RALY: variants seen among roughly 807,000 people sequenced by gnomAD.
RALY encodes RALY heterogeneous nuclear ribonucleoprotein.
In RALY, 15 loss-of-function variants were observed where a neutral mutation model predicts 30.7. The ratio of observed to expected loss-of-function variants is 0.49; its 90% CI spans 0.33 to 0.75. RALY has a LOEUF of 0.75. Ranked by LOEUF, RALY falls within the 30% of genes least tolerant of loss-of-function variation. The pLI is 0.02. For missense variants in RALY, 339 were observed against 414.3 expected, an observed-to-expected ratio of 0.82 and a Z score of 1.58; for synonymous variants, 177 against 170.8, an observed-to-expected ratio of 1.04 and a Z score of -0.28.
At chr20:34,010,073 G>A (rs760905123) in intron 1 of RALY, among the ~76,000 whole-genome samples, 2 of 152,164 alleles carry the variant, frequency 1.3e-5, no homozygotes, top group Non-Finnish European at 2.9e-5. Flanking sequence ...CATATGGACA[G>A]CAAACTAGTC....
rs61301033 is a variant in RALY, at chr20:34,035,152, C to CAAAAAAAAA, written c.-10+3575_-10+3583dup. ...TGGGCGACAGAGCGAGACTCCATCT[C>CAAAAAAAAA]AAAAAAAAAAAAAAAAAAAAAAAAA... On this transcript the variant is annotated intron_variant, in intron 2 of 9. Coordinates refer to ENST00000246194, the MANE Select transcript of RALY (RefSeq NM_016732.3). Among the ~76,000 whole-genome samples, 25 of 32,520 alleles carry CAAAAAAAAA rather than the reference C, an allele frequency of 7.7e-4. 4 individuals are homozygous for CAAAAAAAAA. Among genetic ancestry groups the CAAAAAAAAA allele is most frequent in the South Asian group, 2.5e-3 (1 of 398 alleles). The allele number at this position is 32,520 out of a possible 152,430, so 21.3% of individuals were successfully genotyped here.
At chr20:34,001,238 CTG>C (rs775942886) in intron 1 of RALY, among the ~76,000 whole-genome samples, 85 of 152,244 alleles carry the variant, frequency 5.6e-4, no homozygotes, top group Non-Finnish European at 9.7e-4. Context: ...ATGTAGCAAA[CTG>C]TTTAAAATCA....
chr20:34,014,188 G>T (rs1433917704), intron 1 of RALY, among the ~76,000 whole-genome samples: 3 of 152,136 alleles, frequency 2.0e-5, no homozygotes, highest in Admixed American at 6.6e-5. Context: ...AGTCACTTTG[G>T]AATAAGTTCT....
intron 2 of RALY, among the ~76,000 whole-genome samples, chr20:34,032,575 C>T (rs1158556278): frequency 6.6e-6 from 1 of 151,810 alleles, no homozygotes; most frequent in East Asian, 2.0e-4. Context: ...TGGTCTCAAA[C>T]TCCTGGGCTC....
At chr20:34,057,549 C>T (rs1172754276) in intron 2 of RALY, among the ~76,000 whole-genome samples, 1 of 151,872 alleles carries the variant, frequency 6.6e-6, no homozygotes, top group Non-Finnish European at 1.5e-5. Context: ...CGCCTGTAGT[C>T]CCAGCTACTC....
chr20:34,048,852 T>TAAAA (rs2032977310), intron 2 of RALY, among the ~76,000 whole-genome samples: 2 of 27,066 alleles, frequency 7.4e-5, no homozygotes, highest in East Asian at 2.3e-3. Flanking sequence ...AGACTCCGTC[T>TAAAA]CAAAAAAAAA....
chr20:34,059,642 A>G (rs1470906177), intron 2 of RALY, among the ~76,000 whole-genome samples: 2 of 152,230 alleles, frequency 1.3e-5, no homozygotes, highest in Non-Finnish European at 2.9e-5. Context: ...GGAGAAATCC[A>G]AAGCTAATAA....
Position 34,077,456 on chromosome 20 carries a change from G to A in RALY, c.876+211G>A, listed in dbSNP as rs1007637827. 6 of 1,100,498 alleles carry A rather than the reference G, an allele frequency of 5.5e-6. No individual in the cohort carries two copies. The African/African-American group carries it at 7.9e-5, about 15-fold the overall frequency. The allele number at this position is 1,100,498 out of a possible 1,614,324, so 68.2% of individuals were successfully genotyped here. ...CCATCAGAAGTCCCACTGAGGCCTAGGGCAGACCTCCCCCAAATGCGGGCA... is the reference window on the plus strand; with the variant it reads ...CCATCAGAAGTCCCACTGAGGCCTAAGGCAGACCTCCCCCAAATGCGGGCA... On this transcript the variant is annotated intron_variant, in intron 8 of 9. Transcript: ENST00000246194.
intron 1 of RALY, among the ~76,000 whole-genome samples, chr20:34,002,404 T>G (rs1382175863): frequency 2.0e-5 from 3 of 152,340 alleles, no homozygotes; most frequent in East Asian, 3.9e-4. Flanking sequence ...CTATATGTTC[T>G]TCTTATGGAA....
chr20:34,042,853 C>T (rs1024030783), intron 2 of RALY, among the ~76,000 whole-genome samples: 2 of 152,168 alleles, frequency 1.3e-5, no homozygotes, highest in Non-Finnish European at 2.9e-5. Context: ...TGAAGAATAA[C>T]AAAATTCCAT....
At chr20:34,056,498 T>C (rs1007143292) in intron 2 of RALY, among the ~76,000 whole-genome samples, 1 of 152,178 alleles carries the variant, frequency 6.6e-6, no homozygotes, top group African/African-American at 2.4e-5. Context: ...AGGGGGGAGA[T>C]TGTACTTTAT....
At chr20:34,072,787 T>C (rs1187745407) in intron 3 of RALY, among the ~76,000 whole-genome samples, 3 of 152,224 alleles carry the variant, frequency 2.0e-5, no homozygotes, top group Non-Finnish European at 4.4e-5. Flanking sequence ...GTATGTACAG[T>C]GTTCATGCAT....
rs765231271 is a variant in RALY, at chr20:34,077,099, AGTGGTGGTGGCG to A, written c.735_746del (p.Gly248_Gly251del). Reference sequence around the variant, plus strand: ...TGGTGGTGGCAGCGGTGGCGGTGGCAGTGGTGGTGGCGGTGGCGGTGGCAGCAGCCGGCCACC... The same window carrying A: ...TGGTGGTGGCAGCGGTGGCGGTGGCAGTGGCGGTGGCAGCAGCCGGCCACC... On this transcript the variant is annotated inframe_deletion, in exon 8 of 10. Coordinates refer to ENST00000246194, the MANE Select transcript of RALY (RefSeq NM_016732.3). The A allele has an allele frequency of 3.7e-5, 59 of 1,604,842 alleles. No individual in the cohort carries two copies. The South Asian group carries it at 5.6e-4, about 15-fold the overall frequency.
At chr20:33,994,166 CG>C in intron 1 of RALY, 35 bp downstream of exon 1, 1 of 152,500 alleles carries the variant, frequency 6.6e-6, no homozygotes, top group Non-Finnish European at 1.5e-5. Context: ...CTTAGGGGTG[CG>C]GGGAGGGTGT....
chr20:34,034,088 A>G (rs2032384763), intron 2 of RALY, among the ~76,000 whole-genome samples: 1 of 152,148 alleles, frequency 6.6e-6, no homozygotes, highest in Non-Finnish European at 1.5e-5. Context: ...CACTCCACTG[A>G]GATGTTGCCT....
At chr20:34,027,251 C>T (rs1246729927) in intron 1 of RALY, among the ~76,000 whole-genome samples, 1 of 152,190 alleles carries the variant, frequency 6.6e-6, no homozygotes, top group African/African-American at 2.4e-5. Context: ...TAAAGCAGAC[C>T]TGGGTTCAAA....
chr20:34,028,730 A>C (rs1019779252), intron 1 of RALY, among the ~76,000 whole-genome samples: 1 of 150,946 alleles, frequency 6.6e-6, no homozygotes, highest in East Asian at 1.9e-4. Context: ...AAAAAAAAAA[A>C]AAAACATGGC....
At chr20:33,995,498 C>A (rs974177327) in intron 1 of RALY, among the ~76,000 whole-genome samples, 2 of 152,162 alleles carry the variant, frequency 1.3e-5, no homozygotes, top group Non-Finnish European at 2.9e-5. Context: ...TTAAAGTGAA[C>A]TAAAATTAAC....
intron 1 of RALY, among the ~76,000 whole-genome samples, chr20:34,026,083 A>T (rs1214310682): frequency 6.6e-6 from 1 of 152,000 alleles, no homozygotes; most frequent in Non-Finnish European, 1.5e-5. Flanking sequence ...AAGCTGTGAC[A>T]AGAGGAAGAA....
Sources: gnomAD v4.1 joint callset for allele counts (sites outside exome capture counted in the v4.1 genomes callset) on GRCh38, gnomAD v4.1.1 for gene constraint, MANE v1.5 for transcripts, NCBI Gene and HGNC (gene_info 2026-07-23, HGNC 2026-07-21) for gene names.